CUBN: variants seen among roughly 807,000 people sequenced by gnomAD.
CUBN encodes the protein cubilin.
Under a neutral mutation model 405.3 loss-of-function variants are expected in CUBN, and 282 were observed. That is an observed-to-expected ratio of 0.70 (90% CI 0.63 to 0.77). The LOEUF is 0.77. Among genes scored for constraint, CUBN ranks in the 30% least tolerant of loss-of-function variants. CUBN has a pLI of 0.00. For synonymous variants in CUBN, 1,684 were observed against 1,617.0 expected (o/e 1.04, Z -0.99); for missense variants, 4,514 against 4,475.2 (o/e 1.01, Z -0.25).
At chr10:16,874,979 T>C (rs1302547566) in intron 57 of CUBN, among the ~76,000 whole-genome samples, 2 of 152,126 alleles carry the variant, frequency 1.3e-5, no homozygotes, top group Non-Finnish European at 2.9e-5. Context: ...GAATATTATA[T>C]GGTAAACTAC....
chr10:16,920,220 C>T, intron 43 of CUBN, 83 bp from the exon 44 acceptor site: 1 of 1,372,122 alleles, frequency 7.3e-7, no homozygotes, highest in Non-Finnish European at 1.0e-6. Context: ...TTAAAGTCGA[C>T]TTCTCTGTAT....
At chr10:16,843,394 T>C (rs1254712429) in intron 60 of CUBN, among the ~76,000 whole-genome samples, 3 of 152,166 alleles carry the variant, frequency 2.0e-5, no homozygotes, top group Non-Finnish European at 4.4e-5. Flanking sequence ...TATTCTAAAG[T>C]GCTAGGATTA....
chr10:17,057,206 C>A (rs1835415809), intron 22 of CUBN, among the ~76,000 whole-genome samples: 1 of 152,144 alleles, frequency 6.6e-6, no homozygotes, highest in African/African-American at 2.4e-5. Context: ...AGCTCCGTGA[C>A]TGCTCCTGCA....
intron 31 of CUBN, among the ~76,000 whole-genome samples, chr10:16,963,863 A>G (rs1046884881): frequency 1.3e-5 from 2 of 152,262 alleles, no homozygotes; most frequent in East Asian, 1.9e-4. Flanking sequence ...ATAATATTTC[A>G]TAGTGTGTAT....
intron 63 of CUBN, among the ~76,000 whole-genome samples, chr10:16,835,756 T>TGA (rs1839150101): frequency 6.6e-6 from 1 of 152,158 alleles, no homozygotes; most frequent in African/African-American, 2.4e-5. Flanking sequence ...GGTAACTCTT[T>TGA]CAAGGCTTTT....
In CUBN at chr10:17,000,983, G is replaced by A. The variant is rs117130670; in HGVS notation, c.4169-10468C>T. Among the ~76,000 whole-genome samples, 751 of 152,228 alleles carry A rather than the reference G, an allele frequency of 4.9e-3. 19 individuals are homozygous for A. In the East Asian group the frequency reaches 0.071, roughly 14 times the overall value. ...TACAGTTCTTAAAGATGGTGTGTCC[G>A]GAGTTTGCTCCTTCAAATGTTCAGA... On this transcript the variant is annotated intron_variant, in intron 28 of 66. Transcript: ENST00000377833.
At chr10:16,889,953 A>AAAAAAAAAAACAAAAAAAAAAAAAAG (rs57009841) in intron 55 of CUBN, among the ~76,000 whole-genome samples, 1 of 118,014 alleles carries the variant, frequency 8.5e-6, no homozygotes, top group African/African-American at 4.2e-5. Context: ...AAAAAAAAAA[A>AAAAAAAAAAACAAAAAAAAAAAAAAG]CAGGAAAGAC....
At position 16,851,386 on chromosome 10, in the gene CUBN, G is replaced by T. The variant is rs753351790; in HGVS notation, c.9512C>A (p.Pro3171His). 1 of 1,614,116 alleles carries T rather than the reference G, an allele frequency of 6.2e-7. No individual in the cohort carries two copies. Among genetic ancestry groups the T allele is most frequent in the Non-Finnish European group, 8.5e-7 (1 of 1,180,004 alleles). ...ATACATTCCATTCGAATCAGAATCA[G>T]GAGAGGCAAAGGTATTATTCGAGCC... is the stretch of plus-strand genomic sequence containing the variant. The part of the protein sequence containing the change: ...LTGSNNTFAS[P>H]DSDSNGMYDK... Residue 3171 changes from proline (P) to histidine (H), a missense_variant, in exon 60 of 67, where the codon CCT becomes CAT. Transcript: ENST00000377833.
Position 17,099,999 on chromosome 10 carries a change from A to G in CUBN, c.1765+6T>C. 1 of 1,600,168 alleles carries G rather than the reference A, an allele frequency of 6.2e-7. No individual in the cohort carries two copies. The highest frequency in any genetic ancestry group is 1.1e-5 in the South Asian group (1 of 90,720). The stretch of plus-strand genomic sequence containing the variant: ...TGCTTGCTTTTTTCTCCAGGTTCAC[A>G]CATACCTGGTTGCTGTGTTTCCCAT... On this transcript the variant is annotated splice_donor_region_variant and intron_variant, in intron 14 of 66. Coordinates refer to ENST00000377833, the MANE Select transcript of CUBN (RefSeq NM_001081.4).
intron 6 of CUBN, chr10:17,121,802 C>T (rs1837047619): frequency 1.3e-5 from 2 of 152,112 alleles, no homozygotes; most frequent in African/African-American, 4.8e-5. Flanking sequence ...AATTGAAGAA[C>T]AAGATAGCAG....
chr10:16,939,453 G>T (rs1842599008), intron 37 of CUBN, among the ~76,000 whole-genome samples: 2 of 151,788 alleles, frequency 1.3e-5, no homozygotes, highest in Non-Finnish European at 1.5e-5. Context: ...CTCTAATTTT[G>T]GTTTATCTAT....
chr10:16,992,540 G>A (rs1833623361), intron 28 of CUBN, among the ~76,000 whole-genome samples: 2 of 151,954 alleles, frequency 1.3e-5, no homozygotes, highest in Admixed American at 1.3e-4. Context: ...AATTCCTCCT[G>A]TACAGTGAGT....
chr10:17,085,195 C>A (rs781554628), intron 16 of CUBN, among the ~76,000 whole-genome samples: 1 of 152,200 alleles, frequency 6.6e-6, no homozygotes, highest in African/African-American at 2.4e-5. Context: ...GTCTGGGACA[C>A]TGTGATGCTG....
chr10:17,129,349 A>G lies in CUBN; in HGVS notation c.123-99T>C. ...TACTGAATAACTACAGGCCAAATACATCTTCACTTTTTGATCATCTCAACC... is the reference window on the plus strand; with the variant it reads ...TACTGAATAACTACAGGCCAAATACGTCTTCACTTTTTGATCATCTCAACC... On this transcript the variant is annotated intron_variant, in intron 1 of 66. Coordinates refer to ENST00000377833, the MANE Select transcript of CUBN (RefSeq NM_001081.4). The G allele has an allele frequency of 7.3e-6, 10 of 1,361,494 alleles. No homozygotes were observed. The South Asian group carries it at 1.2e-4, about 16-fold the overall frequency. The allele number at this position is 1,361,494 out of a possible 1,614,324, so 84.3% of individuals were successfully genotyped here.
At chr10:16,989,250 G>GA (rs1833511890) in intron 29 of CUBN, among the ~76,000 whole-genome samples, 1 of 151,460 alleles carries the variant, frequency 6.6e-6, no homozygotes, top group South Asian at 2.1e-4. Context: ...AAAGTTCAAA[G>GA]TATACATAAT....
chr10:17,117,635 G>A (rs771164362), intron 6 of CUBN, among the ~76,000 whole-genome samples: 1 of 152,026 alleles, frequency 6.6e-6, no homozygotes, highest in Non-Finnish European at 1.5e-5. Flanking sequence ...TTTTCTAGAG[G>A]TAGAGGCTGG....
intron 27 of CUBN, among the ~76,000 whole-genome samples, chr10:17,038,025 G>A (rs1251861113): frequency 2.0e-5 from 3 of 148,810 alleles, no homozygotes; most frequent in Admixed American, 6.8e-5. Context: ...TGCAAACTCC[G>A]CCTCCCGGGT....
intron 4 of CUBN, among the ~76,000 whole-genome samples, chr10:17,125,008 T>G (rs943195629): frequency 6.6e-6 from 1 of 151,872 alleles, no homozygotes; most frequent in Non-Finnish European, 1.5e-5. Context: ...ATTTTCCTAT[T>G]TTTAGTAGAG....
At chr10:16,848,363 C>G (rs1463606387) in intron 60 of CUBN, among the ~76,000 whole-genome samples, 2 of 152,012 alleles carry the variant, frequency 1.3e-5, no homozygotes, top group African/African-American at 4.8e-5. Flanking sequence ...AGTGCCCATG[C>G]CTATTTGGAA....
Sources: allele counts gnomAD v4.1 joint callset (sites outside exome capture counted in the v4.1 genomes callset), GRCh38; gene constraint gnomAD v4.1.1; transcripts MANE v1.5; gene names NCBI Gene and HGNC (gene_info 2026-07-23, HGNC 2026-07-21).